PCDH9: variants seen among roughly 807,000 people sequenced by gnomAD.
The protein encoded by PCDH9 is protocadherin 9.
PCDH9 carries 24 observed loss-of-function variants against 70.6 expected under a neutral mutation model. The observed-to-expected ratio is 0.34, with a 90% CI of 0.25 to 0.48. The LOEUF (loss-of-function observed/expected upper bound fraction) is 0.48. Among genes scored for constraint, PCDH9 ranks in the 20% least tolerant of loss-of-function variants. The probability of loss-of-function intolerance (pLI) is 0.99; values close to 1 mark genes in which losing one functional copy is unlikely to be tolerated. For missense variants in PCDH9, 1,281 were observed against 1,503.6 expected, an observed-to-expected ratio of 0.85 and a Z score of 2.45; for synonymous variants, 562 against 558.5, an observed-to-expected ratio of 1.01 and a Z score of -0.09.
intron 3 of PCDH9, among the ~76,000 whole-genome samples, chr13:66,710,199 C>T (rs968181370): frequency 6.6e-6 from 1 of 151,988 alleles, no homozygotes; most frequent in Non-Finnish European, 1.5e-5. Context: ...ATTTTTCTTA[C>T]TGAAAATTAA....
chr13:66,740,579 G>T (rs200801214), intron 3 of PCDH9, among the ~76,000 whole-genome samples: 129,112 of 146,144 alleles, frequency 0.88, 59,340 homozygotes, highest in Non-Finnish European at 1. Flanking sequence ...ATCACCAAAA[G>T]TGATAGGCCG....
chr13:66,569,137 G>A (rs1747223944), intron 4 of PCDH9, among the ~76,000 whole-genome samples: 1 of 150,926 alleles, frequency 6.6e-6, no homozygotes. Context: ...TAGTAGTTGG[G>A]ACTGCAGGCA....
Position 66,417,865 on chromosome 13 carries a change from C to G in PCDH9, c.3341-112837G>C, listed in dbSNP as rs1192884283. Reference sequence around the variant, plus strand: ...TTTTGATGAGGTTGTTTGTGTTTTTCTTGTAAATTTGTTTACGTTCCTTGT... The same window carrying G: ...TTTTGATGAGGTTGTTTGTGTTTTTGTTGTAAATTTGTTTACGTTCCTTGT... On this transcript the variant is annotated intron_variant, in intron 4 of 4. Coordinates refer to ENST00000377865, the MANE Select transcript of PCDH9 (RefSeq NM_203487.3). 1.3e-5 allele frequency among the ~76,000 whole-genome samples: 2 copies of G among 152,152 alleles called. 1 individual carries two copies. Among genetic ancestry groups the G allele is most frequent in the Middle Eastern group, 6.3e-3 (2 of 316 alleles).
intron 4 of PCDH9, among the ~76,000 whole-genome samples, chr13:66,540,202 TA>T (rs1960891479): frequency 1.3e-5 from 2 of 152,198 alleles, no homozygotes; most frequent in Middle Eastern, 3.4e-3. Context: ...GACTGATTCC[TA>T]AATAATCTTC....
intron 4 of PCDH9, among the ~76,000 whole-genome samples, chr13:66,597,818 C>T (rs541898609): frequency 1.1e-4 from 16 of 151,678 alleles, no homozygotes; most frequent in African/African-American, 3.6e-4. Flanking sequence ...AGAAAATATT[C>T]GCAAACCATA....
chr13:66,352,180 A>G (rs1462007624), intron 4 of PCDH9, among the ~76,000 whole-genome samples: 9 of 152,146 alleles, frequency 5.9e-5, no homozygotes, highest in Non-Finnish European at 1.3e-4. Context: ...CAAAACTATC[A>G]TCAGTGTTAC....
intron 4 of PCDH9, among the ~76,000 whole-genome samples, chr13:66,446,763 C>A (rs1231546093): frequency 6.6e-6 from 1 of 152,006 alleles, no homozygotes; most frequent in African/African-American, 2.4e-5. Flanking sequence ...ATGTTAGAAT[C>A]ATTTTATCTA....
chr13:66,993,633 G>A (rs1046395902), intron 2 of PCDH9, among the ~76,000 whole-genome samples: 1 of 152,118 alleles, frequency 6.6e-6, no homozygotes, highest in Non-Finnish European at 1.5e-5. Flanking sequence ...TTAAAATGCA[G>A]GACAGGCATA....
At chr13:66,895,013 G>A (rs554229441) in intron 3 of PCDH9, among the ~76,000 whole-genome samples, 10 of 151,952 alleles carry the variant, frequency 6.6e-5, no homozygotes, top group Non-Finnish European at 1.5e-4. Context: ...TCACCATGTT[G>A]GCCAGGCAGG....
chr13:66,999,449 C>T (rs2084193317), intron 2 of PCDH9, among the ~76,000 whole-genome samples: 1 of 152,058 alleles, frequency 6.6e-6, no homozygotes, highest in Admixed American at 6.6e-5. Flanking sequence ...TACCATTAAA[C>T]TAAATATATT....
intron 3 of PCDH9, among the ~76,000 whole-genome samples, chr13:66,820,121 G>A (rs1425724856): frequency 1.3e-5 from 2 of 151,316 alleles, no homozygotes; most frequent in African/African-American, 2.4e-5. Flanking sequence ...CCATATATTA[G>A]GATACAAATA....
chr13:67,168,548 GA>G (rs2088186709), intron 2 of PCDH9, among the ~76,000 whole-genome samples: 1 of 151,124 alleles, frequency 6.6e-6, no homozygotes, highest in South Asian at 2.1e-4. Context: ...GCAACATAGT[GA>G]GACCCCATTT....
chr13:66,493,379 C>A (rs956330695), intron 4 of PCDH9, among the ~76,000 whole-genome samples: 3 of 152,054 alleles, frequency 2.0e-5, no homozygotes, highest in Admixed American at 6.6e-5. Context: ...TTAATAAATT[C>A]TTTTATTACA....
At chr13:66,364,466 T>A (rs1956521355) in intron 4 of PCDH9, among the ~76,000 whole-genome samples, 1 of 152,218 alleles carries the variant, frequency 6.6e-6, no homozygotes, top group African/African-American at 2.4e-5. Context: ...CAGAAAAGGA[T>A]ATGATTTCAC....
intron 4 of PCDH9, among the ~76,000 whole-genome samples, chr13:66,335,226 C>T (rs1420606846): frequency 6.6e-6 from 1 of 152,102 alleles, no homozygotes; most frequent in Non-Finnish European, 1.5e-5. Flanking sequence ...AATAAGCAAA[C>T]TCAACCTCTA....
At chr13:67,069,156 T>A (rs1260006857) in intron 2 of PCDH9, among the ~76,000 whole-genome samples, 1 of 152,214 alleles carries the variant, frequency 6.6e-6, no homozygotes, top group Non-Finnish European at 1.5e-5. Flanking sequence ...TGCATTTAAC[T>A]TAAATTTTCA....
chr13:66,880,382 G>A (rs1326559241), intron 3 of PCDH9, among the ~76,000 whole-genome samples: 4 of 152,138 alleles, frequency 2.6e-5, no homozygotes, highest in Admixed American at 1.3e-4. Context: ...AAATAGATGA[G>A]AATTGATGAG....
intron 4 of PCDH9, among the ~76,000 whole-genome samples, chr13:66,592,446 T>C (rs1168768508): frequency 1.3e-5 from 2 of 151,784 alleles, no homozygotes; most frequent in Non-Finnish European, 2.9e-5. Flanking sequence ...TGAAATTTGA[T>C]ATATCTTTGG....
chr13:66,400,892 G>A (rs1957173014), intron 4 of PCDH9, among the ~76,000 whole-genome samples: 1 of 152,138 alleles, frequency 6.6e-6, no homozygotes, highest in South Asian at 2.1e-4. Context: ...CTGTGCTTTA[G>A]AAGTTAAGAC....
Sources: allele counts gnomAD v4.1 joint callset (sites outside exome capture counted in the v4.1 genomes callset), GRCh38; gene constraint gnomAD v4.1.1; transcripts MANE v1.5; gene names NCBI Gene and HGNC (gene_info 2026-07-23, HGNC 2026-07-21).